The following TENM2 variants were observed in gnomAD, a reference collection of about 807,000 sequenced individuals.
TENM2 encodes teneurin-2.
In TENM2, 52 loss-of-function variants were observed where a neutral mutation model predicts 245.2. The ratio of observed to expected loss-of-function variants is 0.21; its 90% CI spans 0.17 to 0.27. The LOEUF (loss-of-function observed/expected upper bound fraction) is 0.27. TENM2 is among the 10% of genes least tolerant of loss of function. The pLI is 1.00. For missense variants in TENM2, 3,046 were observed against 3,666.8 expected (o/e 0.83, Z 4.37); for synonymous variants, 1,363 against 1,438.9 (o/e 0.95, Z 1.19).
chr5:167,340,176 A>T (rs1758011663), intron 1 of TENM2, among the ~76,000 whole-genome samples: 1 of 152,140 alleles, frequency 6.6e-6, no homozygotes, highest in South Asian at 2.1e-4. Context: ...TAATATTTCC[A>T]TCTGAGACCT....
the TENM2 span, among the ~76,000 whole-genome samples, chr5:167,071,878 G>GCCCCCCCCCCC: frequency 8.9e-5 from 11 of 124,020 alleles, no homozygotes; most frequent in Non-Finnish European, 1.5e-4. Flanking sequence ...TTGACAAATC[G>GCCCCCCCCCCC]CCCCCCCCCG....
intron 2 of TENM2, among the ~76,000 whole-genome samples, chr5:167,560,741 A>G (rs1163931055): frequency 6.6e-6 from 1 of 152,242 alleles, no homozygotes; most frequent in Non-Finnish European, 1.5e-5. Context: ...AGCTACTACT[A>G]TATGAATTAT....
At chr5:167,744,011 G>A (rs1349248715) in intron 2 of TENM2, among the ~76,000 whole-genome samples, 1 of 152,148 alleles carries the variant, frequency 6.6e-6, no homozygotes, top group African/African-American at 2.4e-5. Flanking sequence ...CAGTTAAGTG[G>A]CTTGCCTGTG....
chr5:167,801,310 G>A (rs191784721), intron 2 of TENM2, among the ~76,000 whole-genome samples: 29 of 151,510 alleles, frequency 1.9e-4, no homozygotes, highest in Admixed American at 9.2e-4. Flanking sequence ...GAGGGGCAGC[G>A]TTTATTTATT....
chr5:167,542,402 T>C (rs895576256), intron 2 of TENM2, among the ~76,000 whole-genome samples: 2 of 152,120 alleles, frequency 1.3e-5, no homozygotes, highest in Non-Finnish European at 2.9e-5. Flanking sequence ...TGTATGTATC[T>C]GTACATCATG....
chr5:167,771,575 C>G (rs1431459205), intron 2 of TENM2, among the ~76,000 whole-genome samples: 1 of 152,168 alleles, frequency 6.6e-6, no homozygotes, highest in African/African-American at 2.4e-5. Flanking sequence ...AATTCTATGG[C>G]TCTCATCCTA....
the TENM2 span, among the ~76,000 whole-genome samples, chr5:166,996,917 C>T: frequency 1.8e-3 from 277 of 152,310 alleles, no homozygotes; most frequent in Admixed American, 2.9e-3. Context: ...CTGCCCCTTT[C>T]CCCTCTCCAA....
At chr5:167,570,396 A>G (rs1253025289) in intron 2 of TENM2, among the ~76,000 whole-genome samples, 3 of 44,948 alleles carry the variant, frequency 6.7e-5, no homozygotes, top group Non-Finnish European at 1.7e-4. Flanking sequence ...GAGAAGAAAA[A>G]AAAAAACCTC....
intron 2 of TENM2, among the ~76,000 whole-genome samples, chr5:167,591,430 T>C (rs902233056): frequency 1.3e-5 from 2 of 152,220 alleles, no homozygotes; most frequent in Non-Finnish European, 2.9e-5. Context: ...GGAACTTACA[T>C]TGAATACTCA....
intron 2 of TENM2, among the ~76,000 whole-genome samples, chr5:167,507,998 G>A (rs1769669526): frequency 6.6e-6 from 1 of 152,044 alleles, no homozygotes; most frequent in South Asian, 2.1e-4. Flanking sequence ...CCCACAGAAA[G>A]AGCTCTGTGA....
At chr5:167,454,344 T>A (rs540289229) in intron 2 of TENM2, among the ~76,000 whole-genome samples, 2 of 152,116 alleles carry the variant, frequency 1.3e-5, no homozygotes, top group African/African-American at 4.8e-5. Context: ...ATCATAGGCA[T>A]GAAAGGGAAT....
At chr5:168,014,550 A>C (rs189298073) in intron 5 of TENM2, among the ~76,000 whole-genome samples, 1 of 152,138 alleles carries the variant, frequency 6.6e-6, no homozygotes, top group African/African-American at 2.4e-5. Flanking sequence ...TTAAAAAAAA[A>C]TTTTTCCACA....
rs533054256 is a variant in TENM2 at position 167,468,094 on chromosome 5, G to A, written c.502+92621G>A. ...TGGGATTACAGGTGTGAGCCACTAT[G>A]ACCAGCTAATTTTTGTATTTTTAGT... On this transcript the variant is annotated intron_variant, in intron 2 of 28. Transcript: ENST00000518659. Among the ~76,000 whole-genome samples, 689 of 152,172 alleles carry A rather than the reference G, an allele frequency of 4.5e-3. 8 individuals are homozygous for A. The highest frequency in any genetic ancestry group is 0.016 in the African/African-American group (646 of 41,506).
At chr5:167,629,854 G>T (rs527450931) in intron 2 of TENM2, among the ~76,000 whole-genome samples, 11 of 151,808 alleles carry the variant, frequency 7.2e-5, no homozygotes, top group African/African-American at 2.2e-4. Context: ...ATCTTGTTGC[G>T]TGATTCATTA....
At chr5:167,472,798 A>G (rs1767121348) in intron 2 of TENM2, among the ~76,000 whole-genome samples, 1 of 152,212 alleles carries the variant, frequency 6.6e-6, no homozygotes, top group Non-Finnish European at 1.5e-5. Context: ...AAGTTAATAA[A>G]CCATAATTGG....
chr5:167,877,996 A>G (rs751176356), intron 3 of TENM2, among the ~76,000 whole-genome samples: 1 of 152,186 alleles, frequency 6.6e-6, no homozygotes, highest in South Asian at 2.1e-4. Flanking sequence ...AAAACAGACA[A>G]TTATTAGGGA....
chr5:167,969,030 T>C (rs867640186), intron 4 of TENM2, among the ~76,000 whole-genome samples: 3 of 152,220 alleles, frequency 2.0e-5, no homozygotes, highest in African/African-American at 7.2e-5. Context: ...CACGGACCAC[T>C]CCTTTTGGTC....
At chr5:167,356,290 T>A (rs186504828) in intron 1 of TENM2, among the ~76,000 whole-genome samples, 1 of 151,054 alleles carries the variant, frequency 6.6e-6, no homozygotes, top group Admixed American at 6.6e-5. Flanking sequence ...GTCAGAGATA[T>A]GCTTTGTGAC....
rs1186173092 is a variant in TENM2 at position 167,648,696 on chromosome 5, G to A, written c.503-227290G>A. 3.3e-5 allele frequency among the ~76,000 whole-genome samples: 5 copies of A among 152,218 alleles called. 1 individual carries two copies. The highest frequency in any genetic ancestry group is 1.2e-4 in the African/African-American group (5 of 41,454). On this transcript the variant is annotated intron_variant, in intron 2 of 28. Coordinates refer to ENST00000518659, the Ensembl canonical transcript of TENM2. ...AGAAAGAGGGCGGAGGGTGGAAGAG[G>A]TGCAGGGGGACCCTTCACCACAGGC...
Sources: allele counts gnomAD v4.1 joint callset (sites outside exome capture counted in the v4.1 genomes callset), GRCh38; gene constraint gnomAD v4.1.1; transcripts MANE v1.5; gene names NCBI Gene and HGNC (gene_info 2026-07-23, HGNC 2026-07-21).